The following DSCAM variants were observed in gnomAD, a reference collection of about 807,000 sequenced individuals.
DSCAM encodes DS cell adhesion molecule.
DSCAM carries 47 observed loss-of-function variants against 217.7 expected under a neutral mutation model. That is an observed-to-expected ratio of 0.22 (90% CI 0.17 to 0.28). The LOEUF is 0.28. DSCAM is among the 10% of genes least tolerant of loss of function. DSCAM has a pLI of 1.00. For missense variants in DSCAM, 2,080 were observed against 2,618.3 expected (o/e 0.79, Z 4.49); for synonymous variants, 1,056 against 1,015.3 (o/e 1.04, Z -0.76).
chr21:40,400,554 G>A (rs1280759099), intron 3 of DSCAM, among the ~76,000 whole-genome samples: 10 of 152,104 alleles, frequency 6.6e-5, no homozygotes, highest in Admixed American at 6.6e-4. Context: ...GCCTAGGCTG[G>A]AAGGCAGTGG....
rs78078507 is a variant in DSCAM at position 40,399,577 on chromosome 21, A to G, written c.509-30332T>C. ...TATCCATCAAAATTCAGAATTCTAA[A>G]CGTATCTTCTCTGCATGTGCCTAGA... On this transcript the variant is annotated intron_variant, in intron 3 of 32. Transcript: ENST00000400454. 1.9e-4 allele frequency among the ~76,000 whole-genome samples: 29 copies of G among 152,300 alleles called. No individual in the cohort carries two copies. In the East Asian group the frequency reaches 5.0e-3, roughly 26 times the overall value.
chr21:40,493,204 C>G (rs920852131), intron 3 of DSCAM, among the ~76,000 whole-genome samples: 1 of 152,006 alleles, frequency 6.6e-6, no homozygotes, highest in Non-Finnish European at 1.5e-5. Context: ...TTTTTAATGT[C>G]AAAATTTTAC....
intron 3 of DSCAM, among the ~76,000 whole-genome samples, chr21:40,671,289 C>G (rs1005551711): frequency 6.6e-6 from 1 of 152,202 alleles, no homozygotes; most frequent in Non-Finnish European, 1.5e-5. Context: ...AGTTTGAACA[C>G]TGTAAAACTT....
intron 11 of DSCAM, among the ~76,000 whole-genome samples, chr21:40,265,182 C>G (rs573212053): frequency 6.9e-6 from 1 of 144,090 alleles, no homozygotes; most frequent in Admixed American, 7.0e-5. Flanking sequence ...GGGGACAGAG[C>G]AAAATTCCGT....
intron 15 of DSCAM, among the ~76,000 whole-genome samples, chr21:40,178,294 C>T (rs1199641814): frequency 6.6e-6 from 1 of 152,042 alleles, no homozygotes; most frequent in African/African-American, 2.4e-5. Context: ...AATTATTTAG[C>T]CAGTTATCAC....
At chr21:40,287,557 G>A (rs2073843271) in intron 10 of DSCAM, among the ~76,000 whole-genome samples, 1 of 152,204 alleles carries the variant, frequency 6.6e-6, no homozygotes, top group Non-Finnish European at 1.5e-5. Flanking sequence ...CCAGTATTGA[G>A]CACAGCATGT....
intron 10 of DSCAM, among the ~76,000 whole-genome samples, chr21:40,295,608 A>G (rs1382582133): frequency 6.6e-6 from 1 of 152,210 alleles, no homozygotes; most frequent in African/African-American, 2.4e-5. Flanking sequence ...GGGGAATAAA[A>G]CAATCAATGA....
chr21:40,593,332 T>TTC, intron 3 of DSCAM, among the ~76,000 whole-genome samples: 1 of 151,566 alleles, frequency 6.6e-6, no homozygotes, highest in African/African-American at 2.4e-5. Flanking sequence ...TTTTTTTTTT[T>TTC]CCTCTGTTTT....
At chr21:40,578,371 CTG>C (rs1485432625) in intron 3 of DSCAM, among the ~76,000 whole-genome samples, 1 of 152,114 alleles carries the variant, frequency 6.6e-6, no homozygotes, top group African/African-American at 2.4e-5. Flanking sequence ...AATCAGCGCT[CTG>C]TGTCTAGCTA....
chr21:40,562,240 T>C (rs77193656), intron 3 of DSCAM, among the ~76,000 whole-genome samples: 1,871 of 152,294 alleles, frequency 0.012, 41 homozygotes, highest in African/African-American at 0.043. Context: ...GCGGTTCTCA[T>C]GATAGTGAGT....
At chr21:40,203,759 G>A (rs528078841) in intron 11 of DSCAM, among the ~76,000 whole-genome samples, 44 of 152,100 alleles carry the variant, frequency 2.9e-4, no homozygotes, top group African/African-American at 1.0e-3. Context: ...TTCATGACTT[G>A]GTTTTCTAAT....
At chr21:40,467,943 A>C (rs990944702) in intron 3 of DSCAM, among the ~76,000 whole-genome samples, 2 of 150,664 alleles carry the variant, frequency 1.3e-5, no homozygotes, top group Non-Finnish European at 3.0e-5. Context: ...AAAAAAAAAA[A>C]AAAAAAAACT....
intron 31 of DSCAM, 103 bp downstream of exon 31, chr21:40,043,975 A>AGGGG: frequency 1.7e-6 from 2 of 1,159,934 alleles, no homozygotes; most frequent in Non-Finnish European, 2.5e-6. Flanking sequence ...AACATAAGTA[A>AGGGG]GAGGGAGGAA....
At chr21:40,621,141 GAT>G (rs1435078716) in intron 3 of DSCAM, 2 of 152,146 alleles carry the variant, frequency 1.3e-5, no homozygotes, top group Non-Finnish European at 2.9e-5. Context: ...AACATTATCT[GAT>G]TGTAGTGTGA....
intron 3 of DSCAM, chr21:40,383,637 TTTC>T (rs1158248380): frequency 6.6e-6 from 1 of 152,186 alleles, no homozygotes; most frequent in Non-Finnish European, 1.5e-5. Flanking sequence ...TTTTCTTTCT[TTTC>T]TTTTTTTTTA....
intron 8 of DSCAM, among the ~76,000 whole-genome samples, chr21:40,334,124 C>T (rs753602114): frequency 5.3e-5 from 8 of 152,102 alleles, no homozygotes; most frequent in Admixed American, 2.6e-4. Context: ...TTAAAATCTG[C>T]GGTGTAGTGC....
intron 3 of DSCAM, among the ~76,000 whole-genome samples, chr21:40,585,975 G>A (rs912032792): frequency 6.6e-6 from 1 of 152,184 alleles, no homozygotes; most frequent in Admixed American, 6.5e-5. Context: ...GCCTGCCTCA[G>A]TCTCCTGCGT....
intron 3 of DSCAM, among the ~76,000 whole-genome samples, chr21:40,639,688 C>CGTGT (rs778015112): frequency 9.2e-6 from 1 of 109,244 alleles, no homozygotes; most frequent in Non-Finnish European, 2.0e-5. Context: ...TATGTGTGTG[C>CGTGT]ATGTGTGTGT....
At chr21:40,083,088 G>T (rs1459766844) in intron 24 of DSCAM, among the ~76,000 whole-genome samples, 3 of 152,128 alleles carry the variant, frequency 2.0e-5, no homozygotes, top group African/African-American at 7.2e-5. Context: ...TCTGTCTCTA[G>T]CTTAACTCCA....
Sources: gnomAD v4.1 joint callset for allele counts (sites outside exome capture counted in the v4.1 genomes callset) on GRCh38, gnomAD v4.1.1 for gene constraint, MANE v1.5 for transcripts, NCBI Gene and HGNC (gene_info 2026-07-23, HGNC 2026-07-21) for gene names.